The following RBFOX1 variants were observed in gnomAD, a reference collection of about 807,000 sequenced individuals.
RBFOX1 encodes the protein RNA binding fox-1 homolog 1, also known as RNA binding protein fox-1 homolog 1.
RBFOX1 carries 8 observed loss-of-function variants against 57.7 expected under a neutral mutation model. The observed-to-expected ratio is 0.14, with a 90% CI of 0.08 to 0.25. The LOEUF (loss-of-function observed/expected upper bound fraction) is 0.25, where lower values mean the gene tolerates loss of function less well. Ranked by LOEUF, RBFOX1 falls within the 10% of genes least tolerant of loss-of-function variation. RBFOX1 has a pLI of 1.00. For synonymous variants in RBFOX1, 326 were observed against 222.4 expected (o/e 1.47, Z -4.15); for missense variants, 611 against 548.5 (o/e 1.11, Z -1.14).
intron 4 of RBFOX1, among the ~76,000 whole-genome samples, chr16:7,117,936 CAGAG>C (rs1342535510): frequency 6.6e-6 from 1 of 152,154 alleles, no homozygotes; most frequent in Non-Finnish European, 1.5e-5. Flanking sequence ...GAGACAGAGA[CAGAG>C]AGGGAGAGAG....
chr16:5,667,344 G>A (rs1314388254), intron 3 of RBFOX1, among the ~76,000 whole-genome samples: 1 of 152,158 alleles, frequency 6.6e-6, no homozygotes, highest in African/African-American at 2.4e-5. Flanking sequence ...GAACAACTTT[G>A]GCTGTGTCCT....
chr16:6,387,114 A>G (rs17528562), intron 2 of RBFOX1, among the ~76,000 whole-genome samples: 2,776 of 152,284 alleles, frequency 0.018, 56 homozygotes, highest in Admixed American at 0.06. Flanking sequence ...CAACCATTCA[A>G]TGAACTTCAA....
intron 4 of RBFOX1, among the ~76,000 whole-genome samples, chr16:7,500,052 C>T (rs1013037950): frequency 1.3e-5 from 2 of 152,128 alleles, no homozygotes; most frequent in African/African-American, 4.8e-5. Flanking sequence ...CCCTGCTGTA[C>T]TCTAAGCTGC....
At chr16:7,347,777 C>T (rs2097045369) in intron 4 of RBFOX1, among the ~76,000 whole-genome samples, 1 of 152,146 alleles carries the variant, frequency 6.6e-6, no homozygotes, top group Admixed American at 6.5e-5. Context: ...GCCCGAGACC[C>T]CCATGTATTT....
chr16:6,985,937 C>T (rs1282067566), intron 3 of RBFOX1, among the ~76,000 whole-genome samples: 1 of 148,794 alleles, frequency 6.7e-6, no homozygotes, highest in Non-Finnish European at 1.5e-5. Flanking sequence ...AATTGTAAAT[C>T]TCCATGGAGT....
intron 3 of RBFOX1, among the ~76,000 whole-genome samples, chr16:6,879,447 T>C (rs2062475690): frequency 6.6e-6 from 1 of 152,208 alleles, no homozygotes; most frequent in South Asian, 2.1e-4. Context: ...AAAACTGTTC[T>C]TTCATCTTTG....
At chr16:6,277,426 CAG>C (rs1309096733) in intron 1 of RBFOX1, among the ~76,000 whole-genome samples, 3 of 135,612 alleles carry the variant, frequency 2.2e-5, no homozygotes, top group Non-Finnish European at 4.6e-5. Context: ...CGCTGCACCC[CAG>C]AGAGAGTGAC....
At position 6,296,451 on chromosome 16, in the gene RBFOX1, C is replaced by T. The variant is rs2078121570; in HGVS notation, c.-126-20544C>T. 5.3e-5 allele frequency among the ~76,000 whole-genome samples: 8 copies of T among 149,864 alleles called. No individual in the cohort carries two copies. In the South Asian group the frequency reaches 1.3e-3, roughly 24 times the overall value. Reference sequence around the variant, plus strand: ...TTTTTTTTTTTTCGAGGTGGAGTCTCGCTCTGTCGCCCAGGCCGGAGTGCA... The same window carrying T: ...TTTTTTTTTTTTCGAGGTGGAGTCTTGCTCTGTCGCCCAGGCCGGAGTGCA... On this transcript the variant is annotated intron_variant, in intron 1 of 15. Transcript: ENST00000550418.
intron 14 of RBFOX1, among the ~76,000 whole-genome samples, chr16:7,684,815 G>A (rs996932413): frequency 6.6e-6 from 1 of 152,108 alleles, no homozygotes; most frequent in Non-Finnish European, 1.5e-5. Flanking sequence ...GGTAGTGGGA[G>A]TGGAGGCACT....
chr16:6,305,271 A>T lies in RBFOX1; in HGVS notation c.-126-11724A>T, dbSNP rs9936909. Among the ~76,000 whole-genome samples the T allele has an allele frequency of 8.8e-3, 1,335 of 152,312 alleles. 26 individuals are homozygous for T. The highest frequency in any genetic ancestry group is 0.03 in the African/African-American group (1,249 of 41,568). On this transcript the variant is annotated intron_variant, in intron 1 of 15. Transcript: ENST00000550418. ...GGCTTCTCAGTGAGAACACGTACCA[A>T]TACTAACCCTCTCTGAACATCATGC...
chr16:7,674,377 A>G (rs867459341), intron 13 of RBFOX1, among the ~76,000 whole-genome samples: 2 of 152,156 alleles, frequency 1.3e-5, no homozygotes, highest in African/African-American at 4.8e-5. Context: ...TTACCTTTCA[A>G]GAGTTCAATA....
At chr16:7,317,034 A>G (rs1439821840) in intron 4 of RBFOX1, among the ~76,000 whole-genome samples, 4 of 151,902 alleles carry the variant, frequency 2.6e-5, no homozygotes, top group East Asian at 3.9e-4. Context: ...TTAAATGACC[A>G]TATTTAGCCT....
At chr16:6,630,571 C>G (rs765513557) in intron 2 of RBFOX1, among the ~76,000 whole-genome samples, 2 of 152,112 alleles carry the variant, frequency 1.3e-5, no homozygotes, top group Non-Finnish European at 2.9e-5. Flanking sequence ...GTTAAGAAAG[C>G]TAAGATCTAG....
At chr16:6,717,580 A>AGT (rs1568335924) in intron 3 of RBFOX1, among the ~76,000 whole-genome samples, 1 of 149,242 alleles carries the variant, frequency 6.7e-6, no homozygotes, top group East Asian at 2.3e-4. Flanking sequence ...GAGATGCTGA[A>AGT]GTCTTTTTTT....
intron 2 of RBFOX1, among the ~76,000 whole-genome samples, chr16:5,565,264 T>C (rs972682149): frequency 1.3e-5 from 2 of 152,168 alleles, no homozygotes; most frequent in Non-Finnish European, 2.9e-5. Flanking sequence ...CTGGTGTGTG[T>C]GTGTGCGTGT....
chr16:6,811,857 C>A (rs950570728), intron 3 of RBFOX1, among the ~76,000 whole-genome samples: 13 of 151,798 alleles, frequency 8.6e-5, no homozygotes, highest in Admixed American at 7.2e-4. Flanking sequence ...CCATTGCACT[C>A]GAGCCTGGGC....
chr16:5,420,017 C>A (rs1482418548), intron 1 of RBFOX1, among the ~76,000 whole-genome samples: 1 of 152,134 alleles, frequency 6.6e-6, no homozygotes, highest in Non-Finnish European at 1.5e-5. Context: ...GCCTGTGAGA[C>A]CCTGGGAAGA....
rs113845558 is a variant in RBFOX1, at chr16:6,859,353, A to T, written c.-15-192704A>T. Among the ~76,000 whole-genome samples, 1,232 of 151,628 alleles carry T rather than the reference A, an allele frequency of 8.1e-3. 14 individuals carry two copies. The highest frequency in any genetic ancestry group is 0.029 in the African/African-American group (1,179 of 41,270). ...AAGAAAGAGTCAAAAATTCTATGCA[A>T]AATTCTCTGTTCTCCTCAAACAGAT... On this transcript the variant is annotated intron_variant, in intron 3 of 15. Transcript: ENST00000550418.
intron 4 of RBFOX1, among the ~76,000 whole-genome samples, chr16:7,495,106 A>T (rs1194971801): frequency 6.6e-6 from 1 of 152,124 alleles, no homozygotes; most frequent in African/African-American, 2.4e-5. Context: ...CAGTTAAGAT[A>T]ATTGCCTCCA....
Sources: gnomAD v4.1 joint callset for allele counts (sites outside exome capture counted in the v4.1 genomes callset) on GRCh38, gnomAD v4.1.1 for gene constraint, MANE v1.5 for transcripts, NCBI Gene and HGNC (gene_info 2026-07-23, HGNC 2026-07-21) for gene names.